The following TAF4 variants were observed in gnomAD, a reference collection of about 807,000 sequenced individuals.
TAF4 encodes transcription initiation factor TFIID subunit 4.
TAF4 carries 9 observed loss-of-function variants against 90.3 expected under a neutral mutation model. The observed-to-expected ratio is 0.10, with a 90% CI of 0.06 to 0.17. The LOEUF (loss-of-function observed/expected upper bound fraction) is 0.17. Ranked by LOEUF, TAF4 falls within the 10% of genes least tolerant of loss-of-function variation. The pLI, the probability that TAF4 is intolerant of heterozygous loss-of-function variation, is 1.00. For missense variants in TAF4, 1,351 were observed against 1,370.7 expected, an observed-to-expected ratio of 0.99 and a Z score of 0.23; for synonymous variants, 818 against 638.9, an observed-to-expected ratio of 1.28 and a Z score of -4.23.
At position 62,010,867 on chromosome 20, in the gene TAF4, C is replaced by T. The variant is rs965923990; in HGVS notation, c.1642-702G>A. Among the ~76,000 whole-genome samples, 1 of 152,250 alleles carries T rather than the reference C, an allele frequency of 6.6e-6. No homozygotes were observed. The highest frequency in any genetic ancestry group is 1.5e-5 in the Non-Finnish European group (1 of 68,046). ...TCAGTGGCCTGTACTCGATTCCTAA[C>T]ATTTCCATTCTACATGAATAATCAG... On this transcript the variant is annotated intron_variant, in intron 3 of 14. Transcript: ENST00000252996. The surrounding 1 kb of genome is among the most constrained non-coding windows in gnomAD (Gnocchi z 4.5).
At chr20:62,017,633 C>A (rs567053839) in intron 1 of TAF4, among the ~76,000 whole-genome samples, 1 of 152,022 alleles carries the variant, frequency 6.6e-6, no homozygotes, top group Admixed American at 6.5e-5. Flanking sequence ...GGCGACAGAG[C>A]GAGACTCCGT....
At position 62,014,524 on chromosome 20, in the gene TAF4, C is replaced by T. The variant is rs1027942568; in HGVS notation, c.1521+23G>A. ...GGGCTGGGCAGGGAAGGGGTTCGCA[C>T]TCCAGGGCACACGTGCACTCACCTG... On this transcript the variant is annotated intron_variant, in intron 2 of 14. Coordinates refer to ENST00000252996, the MANE Select transcript of TAF4 (RefSeq NM_003185.4). The T allele has an allele frequency of 4.4e-6, 7 of 1,584,686 alleles. No individual in the cohort carries two copies. The Admixed American group carries it at 7.4e-5, about 17-fold the overall frequency.
chr20:62,046,197 A>G (rs962585284), intron 1 of TAF4, among the ~76,000 whole-genome samples: 5 of 152,232 alleles, frequency 3.3e-5, no homozygotes, highest in African/African-American at 1.2e-4. Context: ...AGGAAGGAAC[A>G]TGGCCCCAGG....
chr20:62,065,198 GC>G lies in TAF4; in HGVS notation c.612del (p.Leu205Ter). 1 of 1,190,964 alleles carries G rather than the reference GC, an allele frequency of 8.4e-7. No individual in the cohort carries two copies. The highest frequency in any genetic ancestry group is 2.8e-5 in the Admixed American group (1 of 35,780). 73.8% of individuals were successfully genotyped at this position (1,190,964 alleles called of 1,614,324 possible). A position where few individuals can be genotyped will look rare whatever the true frequency, so the allele number is the denominator to read the frequency against. On this transcript the variant is annotated frameshift_variant, in exon 1 of 15. Coordinates refer to ENST00000252996, the MANE Select transcript of TAF4 (RefSeq NM_003185.4). LOFTEE classifies it high-confidence loss of function. ...GGTGCGGCGGCGTGGTGCGAGTTCAGCAGCGCGGCGCTCCCATTCAAAGTTT... is the reference window on the plus strand; with the variant it reads ...GGTGCGGCGGCGTGGTGCGAGTTCAGAGCGCGGCGCTCCCATTCAAAGTTT... ...AAQTLNGSAA[L>X]LNSHHAAAPA...
intron 1 of TAF4, among the ~76,000 whole-genome samples, chr20:62,036,077 G>T (rs1038000363): frequency 6.6e-6 from 1 of 150,604 alleles, no homozygotes; most frequent in Non-Finnish European, 1.5e-5. Context: ...TGCCTCGAGT[G>T]CAGTGGCGCA....
intron 1 of TAF4, among the ~76,000 whole-genome samples, chr20:62,063,905 G>A (rs1048445989): frequency 6.6e-6 from 1 of 152,270 alleles, no homozygotes. Flanking sequence ...CTCAAGGAGG[G>A]GGCGTCGCGC....
intron 12 of TAF4, among the ~76,000 whole-genome samples, chr20:61,998,653 G>C (rs990453094): frequency 1.3e-5 from 2 of 152,186 alleles, no homozygotes; most frequent in South Asian, 2.1e-4. Context: ...GCCTGGCTGT[G>C]AATGTTCTAG....
At chr20:62,028,441 A>G (rs1198251315) in intron 1 of TAF4, among the ~76,000 whole-genome samples, 3 of 152,166 alleles carry the variant, frequency 2.0e-5, no homozygotes, top group African/African-American at 4.8e-5. Flanking sequence ...AAGATACGGC[A>G]TTGACAGGAC....
At chr20:62,055,962 C>T (rs572875813) in intron 1 of TAF4, among the ~76,000 whole-genome samples, 13 of 152,308 alleles carry the variant, frequency 8.5e-5, no homozygotes, top group South Asian at 4.1e-4. Flanking sequence ...GCAGGCCAGG[C>T]GCAGTGGCTC....
chr20:62,059,964 G>A (rs80280437), intron 1 of TAF4, among the ~76,000 whole-genome samples: 1 of 152,252 alleles, frequency 6.6e-6, no homozygotes, highest in Non-Finnish European at 1.5e-5. Context: ...TTATACAGTA[G>A]AAAAGGCTTT....
chr20:62,026,947 G>A lies in TAF4; in HGVS notation c.1361-12240C>T, dbSNP rs527271442. 1.1e-4 allele frequency among the ~76,000 whole-genome samples: 16 copies of A among 152,310 alleles called. 1 individual carries two copies. The highest frequency in any genetic ancestry group is 3.8e-4 in the African/African-American group (16 of 41,560). ...TAGAGCAAAGTTAAAACACCAACCC[G>A]TGGAGACTTCTACTCATGATTTGTT... On this transcript the variant is annotated intron_variant, in intron 1 of 14. Transcript: ENST00000252996.
intron 1 of TAF4, among the ~76,000 whole-genome samples, chr20:62,063,049 C>A (rs2056098544): frequency 6.6e-6 from 1 of 152,188 alleles, no homozygotes. Flanking sequence ...ACAGCAAAAC[C>A]AAGCCTCTGG....
At chr20:62,032,293 A>G (rs2055908744) in intron 1 of TAF4, among the ~76,000 whole-genome samples, 1 of 152,224 alleles carries the variant, frequency 6.6e-6, no homozygotes, top group South Asian at 2.1e-4. Context: ...CTACCATCTC[A>G]GCAGTTTCTG....
chr20:61,983,865 A>G (rs1027651754), intron 14 of TAF4, among the ~76,000 whole-genome samples: 1 of 152,162 alleles, frequency 6.6e-6, no homozygotes, highest in Admixed American at 6.5e-5. Flanking sequence ...AAAAGTAAGG[A>G]TCTCAGGGAT....
chr20:62,044,657 G>A (rs1414192289), intron 1 of TAF4, among the ~76,000 whole-genome samples: 2 of 152,190 alleles, frequency 1.3e-5, no homozygotes, highest in South Asian at 2.1e-4. Context: ...CAGAAGCCAA[G>A]TAAGTAAATA....
At chr20:62,001,990 C>T (rs1286732851) in intron 9 of TAF4, among the ~76,000 whole-genome samples, 2 of 152,152 alleles carry the variant, frequency 1.3e-5, no homozygotes, top group Admixed American at 6.5e-5. Context: ...ACGGCAAGAC[C>T]CATGGTTATC....
At chr20:62,063,623 C>CGAGACCCCTGCA (rs2056102831) in intron 1 of TAF4, among the ~76,000 whole-genome samples, 2 of 152,184 alleles carry the variant, frequency 1.3e-5, no homozygotes, top group Admixed American at 1.3e-4. Context: ...AGTATCGCCC[C>CGAGACCCCTGCA]GAGACCCCTG....
intron 1 of TAF4, among the ~76,000 whole-genome samples, chr20:62,043,958 C>T (rs1600858567): frequency 6.6e-6 from 1 of 152,318 alleles, no homozygotes; most frequent in African/African-American, 2.4e-5. Context: ...AGAGGCAGGG[C>T]CCGTTAGCTA....
intron 1 of TAF4, among the ~76,000 whole-genome samples, chr20:62,049,692 C>T (rs1349650252): frequency 6.6e-6 from 1 of 152,070 alleles, no homozygotes; most frequent in Non-Finnish European, 1.5e-5. Context: ...TCCCAACTCC[C>T]CAGCAGTCCA....
Sources: gnomAD v4.1 joint callset for allele counts (sites outside exome capture counted in the v4.1 genomes callset) on GRCh38, gnomAD v4.1.1 for gene constraint, Gnocchi (gnomAD v3.1) non-coding constraint, MANE v1.5 for transcripts, NCBI Gene and HGNC (gene_info 2026-07-23, HGNC 2026-07-21) for gene names.